Variants in EFEMP2 observed in about 807,000 individuals in gnomAD.
EFEMP2 encodes EGF-containing fibulin-like extracellular matrix protein 2.
In EFEMP2, 21 loss-of-function variants were observed where a neutral mutation model predicts 55.3. The observed-to-expected ratio is 0.38, with a 90% CI of 0.27 to 0.55. The LOEUF is 0.55. Among genes scored for constraint, EFEMP2 ranks in the 20% least tolerant of loss-of-function variants. The pLI is 0.77. For synonymous variants in EFEMP2, 275 were observed against 242.3 expected, an observed-to-expected ratio of 1.14 and a Z score of -1.25; for missense variants, 513 against 615.1, an observed-to-expected ratio of 0.83 and a Z score of 1.76.
In EFEMP2 at chr11:65,871,036, G is replaced by A; in HGVS notation, c.367+121C>T. The A allele has an allele frequency of 2.5e-6, 3 of 1,217,818 alleles. 1 individual carries two copies. The South Asian group carries it at 3.8e-5, about 16-fold the overall frequency. 75.4% of individuals were successfully genotyped at this position (1,217,818 alleles called of 1,614,324 possible). On this transcript the variant is annotated intron_variant, in intron 4 of 10. Coordinates refer to ENST00000307998, the MANE Select transcript of EFEMP2 (RefSeq NM_016938.5). ...GCGGCAGGTCCTAAACAACATGAGT[G>A]TCTGGATGAGGGTGTGGACATCACC...
chr11:65,872,515 AGGTCCCAGGCCCG>A (rs1214287295), intron 1 of EFEMP2, 154 bp from the exon 2 acceptor site: 30 of 565,926 alleles, frequency 5.3e-5, no homozygotes, highest in African/African-American at 2.1e-4. Context: ...TCACAGGCCC[AGGTCCCAGGCCCG>A]GGTCCCAGGC....
At chr11:65,868,211 CG>C in intron 9 of EFEMP2, 83 bp downstream of exon 9, 1 of 1,594,510 alleles carries the variant, frequency 6.3e-7, no homozygotes, top group Non-Finnish European at 8.5e-7. Flanking sequence ...CAGGGGCACT[CG>C]CTGGTCTGAA....
chr11:65,869,505 C>T, intron 7 of EFEMP2: 1 of 362,680 alleles, frequency 2.8e-6, no homozygotes, highest in Non-Finnish European at 5.4e-6. Flanking sequence ...TCACCTAATC[C>T]TCAAGACAAC....
rs774887200 is a variant in EFEMP2, at chr11:65,870,111, C to A, written c.607+10G>T. 1.5e-5 allele frequency: 25 copies of A among 1,613,476 alleles called. No homozygotes were observed. The highest frequency in any genetic ancestry group is 5.0e-5 in the Admixed American group (3 of 60,006). ...CCAGGACCCAGGAGCCTGGCCCAGC[C>A]CAGCCTCACCAACACAGGAGCGGTT... On this transcript the variant is annotated intron_variant, in intron 6 of 10. Transcript: ENST00000307998.
rs1859871816 is a variant in EFEMP2, at chr11:65,867,385, A to G, written c.1171-306T>C. 3.9e-6 allele frequency: 2 copies of G among 507,840 alleles called. 1 individual carries two copies. The highest frequency in any genetic ancestry group is 7.1e-5 in the East Asian group (2 of 28,004). The allele number at this position is 507,840 out of a possible 1,614,324, so 31.5% of individuals were successfully genotyped here. ...GGACTGGTGGGACCTTTGGTGACCC[A>G]AAGTGAGCAGACTCCCTTCAGAGCA... On this transcript the variant is annotated intron_variant, in intron 10 of 10. Transcript: ENST00000307998.
At position 65,868,003 on chromosome 11, in the gene EFEMP2, A is replaced by G; in HGVS notation, c.1028T>C (p.Ile343Thr). 1 of 1,614,052 alleles carries G rather than the reference A, an allele frequency of 6.2e-7. No individual in the cohort carries two copies. Among genetic ancestry groups the G allele is most frequent in the Non-Finnish European group, 8.5e-7 (1 of 1,180,020 alleles). ...NPLCREQPSS[I>T]VHRYMTITSE... Reference sequence around the variant, plus strand: ...GGTGATGGTCATGTAGCGGTGCACAATGGATGAAGGCTGCTCTCGACATAG... The same window carrying G: ...GGTGATGGTCATGTAGCGGTGCACAGTGGATGAAGGCTGCTCTCGACATAG... Residue 343 changes from isoleucine (I) to threonine (T), a missense_variant, in exon 10 of 11, where the codon ATT becomes ACT. Coordinates refer to ENST00000307998, the MANE Select transcript of EFEMP2 (RefSeq NM_016938.5).
chr11:65,871,993 T>C lies in EFEMP2; in HGVS notation c.137A>G (p.Asp46Gly), dbSNP rs1191156818. The change falls in exon 3 of 11, where the codon GAC (aspartate) becomes GGC (glycine). Residue 46 changes from aspartate to glycine, a missense_variant. By Grantham distance (94) the Asp-to-Gly change is moderately conservative. Coordinates refer to ENST00000307998, the MANE Select transcript of EFEMP2 (RefSeq NM_016938.5). ...YTECTDGYEW[D>G]PDSQHCRDVN... The stretch of plus-strand genomic sequence containing the variant: ...ACCCCGGCAGTGCTGGCTGTCTGGG[T>C]CCCACTCATAGCCATCTGTGCATTC... 1 of 1,551,556 alleles carries C rather than the reference T, an allele frequency of 6.4e-7. No individual in the cohort carries two copies. The highest frequency in any genetic ancestry group is 8.7e-7 in the Non-Finnish European group (1 of 1,146,956).
Position 65,868,009 on chromosome 11 carries a change from G to A in EFEMP2, c.1022C>T (p.Ser341Leu). The A allele has an allele frequency of 1.2e-6, 2 of 1,614,046 alleles. No individual in the cohort carries two copies. Among genetic ancestry groups the A allele is most frequent in the Non-Finnish European group, 1.7e-6 (2 of 1,180,026 alleles). ...GGTCATGTAGCGGTGCACAATGGAT[G>A]AAGGCTGCTCTCGACATAGAGGGTT... ...ASNPLCREQP[S>L]SIVHRYMTIT... Residue 341 changes from serine to leucine, a missense_variant, in exon 10 of 11, where the codon TCA becomes TTA. Coordinates refer to ENST00000307998, the MANE Select transcript of EFEMP2 (RefSeq NM_016938.5).
chr11:65,866,878 A>G lies in EFEMP2; in HGVS notation c.*40T>C, dbSNP rs1481680322. ...TTCTGCCCCTCACAACAGGCTCCTC[A>G]GCTAGGGTAGCTGCAGGGAGGGTGG... is the stretch of plus-strand genomic sequence containing the variant. On this transcript the variant is annotated 3_prime_UTR_variant, in exon 11 of 11. Coordinates refer to ENST00000307998, the MANE Select transcript of EFEMP2 (RefSeq NM_016938.5). The G allele has an allele frequency of 6.2e-7, 1 of 1,612,748 alleles. No individual in the cohort carries two copies. Among genetic ancestry groups the G allele is most frequent in the Non-Finnish European group, 8.5e-7 (1 of 1,179,072 alleles).
Position 65,866,870 on chromosome 11 carries a change from G to T in EFEMP2, c.*48C>A. On this transcript the variant is annotated 3_prime_UTR_variant, in exon 11 of 11. Coordinates refer to ENST00000307998, the MANE Select transcript of EFEMP2 (RefSeq NM_016938.5). ...CTTTCTCATTCTGCCCCTCACAACA[G>T]GCTCCTCAGCTAGGGTAGCTGCAGG... The T allele has an allele frequency of 1.2e-6, 2 of 1,610,102 alleles. No individual in the cohort carries two copies. The highest frequency in any genetic ancestry group is 1.7e-6 in the Non-Finnish European group (2 of 1,176,824).
chr11:65,870,392 GCTA>G, intron 5 of EFEMP2, 141 bp downstream of exon 5: 3 of 1,444,564 alleles, frequency 2.1e-6, no homozygotes, highest in Non-Finnish European at 2.9e-6. Context: ...AACACTCCCC[GCTA>G]CAGTCCTCTG....
chr11:65,869,835 A>C, intron 7 of EFEMP2, 22 bp downstream of exon 7: 1 of 1,613,458 alleles, frequency 6.2e-7, no homozygotes, highest in Non-Finnish European at 8.5e-7. Flanking sequence ...AGAGGAGTAC[A>C]CAGCAGGGAT....
At chr11:65,869,811 G>T in intron 7 of EFEMP2, 46 bp downstream of exon 7, 1 of 1,612,062 alleles carries the variant, frequency 6.2e-7, no homozygotes, top group Non-Finnish European at 8.5e-7. Context: ...CATAGCTAGG[G>T]CCTGGGGGTC....
rs1859890866 is a variant in EFEMP2, at chr11:65,868,036, G to T, written c.995C>A (p.Ser332Tyr). 1 of 1,613,780 alleles carries T rather than the reference G, an allele frequency of 6.2e-7. No individual in the cohort carries two copies. Among genetic ancestry groups the T allele is most frequent in the African/African-American group, 1.3e-5 (1 of 74,918 alleles). ...VSENRCLCPA[S>Y]NPLCREQPSS... is the part of the protein sequence containing the mutation. The stretch of plus-strand genomic sequence containing the variant: ...AGGCTGCTCTCGACATAGAGGGTTG[G>T]AGGCCGGGCAGAGACAGCGGCTAGA... The change falls in exon 10 of 11, where the codon TCC (serine) becomes TAC (tyrosine). Residue 332 changes from serine (S) to tyrosine (Y), a missense_variant. Coordinates refer to ENST00000307998, the MANE Select transcript of EFEMP2 (RefSeq NM_016938.5).
chr11:65,869,591 A>C (rs993420370), intron 7 of EFEMP2: 3 of 517,458 alleles, frequency 5.8e-6, no homozygotes, highest in South Asian at 4.0e-5. Context: ...AGGTAAATGC[A>C]GGTGAGCCTG....
chr11:65,869,119 G>A (rs575710250), intron 7 of EFEMP2: 3 of 255,082 alleles, frequency 1.2e-5, no homozygotes, highest in East Asian at 1.0e-4. Flanking sequence ...GCCTCATCCC[G>A]CAGCAAAGCA....
Position 65,870,011 on chromosome 11 carries a change from C to T in EFEMP2, c.608-35G>A, listed in dbSNP as rs2234466. 1.9e-5 allele frequency: 30 copies of T among 1,613,364 alleles called. No individual in the cohort carries two copies. In the African/African-American group the frequency reaches 2.8e-4, roughly 15 times the overall value. On this transcript the variant is annotated intron_variant, in intron 6 of 10. Coordinates refer to ENST00000307998, the MANE Select transcript of EFEMP2 (RefSeq NM_016938.5). Reference sequence around the variant, plus strand: ...CCAGGAAAAACAGGAGGGATGAAAGCGGAGGAGGAGCCCAGAGCCTCCACT... The same window carrying T: ...CCAGGAAAAACAGGAGGGATGAAAGTGGAGGAGGAGCCCAGAGCCTCCACT...
chr11:65,871,418 A>G (rs1174841475), intron 3 of EFEMP2, 55 bp from the exon 4 acceptor site: 1 of 1,556,540 alleles, frequency 6.4e-7, no homozygotes, highest in Admixed American at 1.7e-5. Flanking sequence ...CCCTGGAGGG[A>G]GCGGAGGCAG....
intron 3 of EFEMP2, chr11:65,871,706 G>A: frequency 3.3e-6 from 2 of 602,748 alleles, no homozygotes; most frequent in South Asian, 3.9e-5. Context: ...GCTGGGACAG[G>A]AGAGTGGTTC....
Sources: gnomAD v4.1 joint callset for allele counts on GRCh38, gnomAD v4.1.1 for gene constraint, MANE v1.5 for transcripts, NCBI Gene and HGNC (gene_info 2026-07-23, HGNC 2026-07-21) for gene names.